The following RAD52 variants were observed in gnomAD, a reference collection of about 807,000 sequenced individuals.
RAD52 encodes DNA repair protein RAD52 homolog.
Under a neutral mutation model 55.5 loss-of-function variants are expected in RAD52, and 47 were observed. The ratio of observed to expected loss-of-function variants is 0.85; its 90% confidence interval spans 0.67 to 1.08. The LOEUF (loss-of-function observed/expected upper bound fraction) is 1.08. Ranked by LOEUF, RAD52 falls within the 50% of genes least tolerant of loss-of-function variation. The pLI, the probability that RAD52 is intolerant of heterozygous loss-of-function variation, is 0.00. For synonymous variants in RAD52, 184 were observed against 198.9 expected (o/e 0.92, Z 0.63); for missense variants, 468 against 522.8 (o/e 0.90, Z 1.02).
intron 1 of RAD52, among the ~76,000 whole-genome samples, chr12:980,161 G>C (rs1295517551): frequency 6.6e-6 from 1 of 151,990 alleles, no homozygotes; most frequent in African/African-American, 2.4e-5. Context: ...CTGCACTCCA[G>C]CCTGGGCGAC....
Position 929,834 on chromosome 12 carries a change from C to A in RAD52, c.333G>T (p.Val111=). ...GKFYVGVCAF[V]RVQLKDGSYH... ...ATCCCCTCACCTTCAGCTGGACCCTCACAAATGCACAGACTCCCACGTAGA... is the reference window on the plus strand; with the variant it reads ...ATCCCCTCACCTTCAGCTGGACCCTAACAAATGCACAGACTCCCACGTAGA... The change falls in exon 5 of 12, where the codon GTG becomes GTT. Residue 111 remains valine, a synonymous_variant. Transcript: ENST00000358495. The A allele has an allele frequency of 6.2e-7, 1 of 1,613,954 alleles. No homozygotes were observed. Among genetic ancestry groups the A allele is most frequent in the Non-Finnish European group, 8.5e-7 (1 of 1,179,844 alleles).
intron 1 of RAD52, among the ~76,000 whole-genome samples, chr12:958,514 C>T (rs12227136): frequency 0.12 from 18,881 of 152,264 alleles, 1,282 homozygotes; most frequent in Middle Eastern, 0.25. Context: ...CTGTGCCCAC[C>T]CAGCCTGCAT....
intron 7 of RAD52, among the ~76,000 whole-genome samples, chr12:918,862 C>A (rs1956551607): frequency 6.6e-6 from 1 of 152,110 alleles, no homozygotes; most frequent in Non-Finnish European, 1.5e-5. Context: ...ATTCATCAAG[C>A]TGAGCATGGA....
chr12:981,740 G>C (rs1057317561), intron 1 of RAD52, among the ~76,000 whole-genome samples: 1 of 126,428 alleles, frequency 7.9e-6, no homozygotes, highest in Non-Finnish European at 1.8e-5. Flanking sequence ...CTGGGCGACA[G>C]AATGAGTGAG....
intron 1 of RAD52, among the ~76,000 whole-genome samples, chr12:959,584 C>A (rs1352528244): frequency 2.0e-5 from 3 of 152,156 alleles, no homozygotes; most frequent in Non-Finnish European, 2.9e-5. Flanking sequence ...AGATAAACTT[C>A]GTACATTTAA....
At chr12:934,333 C>T (rs1486552237) in intron 1 of RAD52, among the ~76,000 whole-genome samples, 3 of 151,410 alleles carry the variant, frequency 2.0e-5, no homozygotes, top group Non-Finnish European at 4.4e-5. Context: ...TGTGGTAGTG[C>T]GAGCCTGTAA....
Position 916,796 on chromosome 12 carries a change from T to C in RAD52, c.568A>G (p.Lys190Glu), listed in dbSNP as rs1483505116. 4 of 1,611,220 alleles carry C rather than the reference T, an allele frequency of 2.5e-6. No homozygotes were observed. The highest frequency in any genetic ancestry group is 1.3e-5 in the African/African-American group (1 of 74,872). ...RQLPLEVDLT[K>E]AKRQDLEPSV... ...GGTTCAAGATCTTGTCTCTTCGCTT[T>C]AGTTAAATCCACTTCAAGAGGCAAC... The change falls in exon 8 of 12, where the codon AAA (lysine) becomes GAA (glutamate). Residue 190 changes from lysine (K) to glutamate (E), a missense_variant. Physicochemically the swap from Lys to Glu is moderately conservative, Grantham distance 56 (BLOSUM62 1). Coordinates refer to ENST00000358495, the MANE Select transcript of RAD52 (RefSeq NM_134424.4).
At chr12:913,759 A>G in intron 11 of RAD52, 135 bp downstream of exon 11, 7 of 822,650 alleles carry the variant, frequency 8.5e-6, no homozygotes. Flanking sequence ...ATTCTGTTCT[A>G]CTTGCAGTAC....
At chr12:954,847 TACATTAGGG>T (rs747085272) in intron 1 of RAD52, among the ~76,000 whole-genome samples, 13 of 152,228 alleles carry the variant, frequency 8.5e-5, no homozygotes, top group Non-Finnish European at 1.6e-4. Context: ...TGGTTAGGGA[TACATTAGGG>T]ACATATCTAA....
chr12:917,085 C>CTGG lies in RAD52; in HGVS notation c.544-268_544-266dup, dbSNP rs569350560. The stretch of plus-strand genomic sequence containing the variant: ...TCGCATTTGAATCTTTCCTGGGCTG[C>CTGG]TGGGTCTGTCTTTGCTGCCTCCTTG... On this transcript the variant is annotated intron_variant, in intron 7 of 11. Transcript: ENST00000358495. Among the ~76,000 whole-genome samples the CTGG allele has an allele frequency of 1.2e-4, 19 of 152,324 alleles. No homozygotes were observed. The East Asian group carries it at 3.5e-3, about 28-fold the overall frequency.
chr12:923,010 C>T (rs1459543672), intron 7 of RAD52, among the ~76,000 whole-genome samples: 2 of 151,554 alleles, frequency 1.3e-5, no homozygotes, highest in Admixed American at 1.3e-4. Flanking sequence ...AGGCTGACCA[C>T]CATGCCCAGC....
At chr12:932,008 G>C (rs1026341855) in intron 2 of RAD52, among the ~76,000 whole-genome samples, 1 of 152,156 alleles carries the variant, frequency 6.6e-6, no homozygotes, top group African/African-American at 2.4e-5. Context: ...ACTCTTTTCT[G>C]TGCACACAAT....
At chr12:931,443 G>C (rs1284372407) in intron 2 of RAD52, 122 bp from the exon 3 acceptor site, 1 of 655,100 alleles carries the variant, frequency 1.5e-6, no homozygotes, top group South Asian at 2.3e-5. Flanking sequence ...GTTTATGTGG[G>C]TTCTATGTAT....
rs187996883 is a variant in RAD52 at position 942,702 on chromosome 12, G to A, written c.-19+6900C>T. 9.3e-5 allele frequency among the ~76,000 whole-genome samples: 14 copies of A among 150,866 alleles called. No homozygotes were observed. In the South Asian group the frequency reaches 2.3e-3, roughly 25 times the overall value. ...GCAGAGGTTGCAGTGAGCGGAGATC[G>A]CCATCACCGCACTCCAGCCTGGACG... On this transcript the variant is annotated intron_variant, in intron 1 of 11. Transcript: ENST00000358495.
intron 5 of RAD52, among the ~76,000 whole-genome samples, chr12:928,123 C>A (rs964596810): frequency 6.6e-6 from 1 of 152,222 alleles, no homozygotes; most frequent in Non-Finnish European, 1.5e-5. Flanking sequence ...TAACACAATT[C>A]TTTCCATTCT....
At chr12:972,597 T>C (rs1346247861) in intron 1 of RAD52, among the ~76,000 whole-genome samples, 1 of 150,428 alleles carries the variant, frequency 6.6e-6, no homozygotes, top group Non-Finnish European at 1.5e-5. Flanking sequence ...AAACCCCGTC[T>C]CTACTAAATA....
chr12:972,478 G>A (rs1371533155), intron 1 of RAD52, among the ~76,000 whole-genome samples: 3 of 151,394 alleles, frequency 2.0e-5, no homozygotes, highest in East Asian at 3.9e-4. Flanking sequence ...TAGAAGGGTC[G>A]CTCTTAGGCC....
intron 1 of RAD52, among the ~76,000 whole-genome samples, chr12:973,519 G>A (rs146048823): frequency 6.7e-5 from 10 of 148,574 alleles, no homozygotes; most frequent in Non-Finnish European, 1.2e-4. Flanking sequence ...GCTCTGTTGC[G>A]CAGGCTGGAG....
At chr12:967,661 G>T (rs1449509971) in intron 1 of RAD52, among the ~76,000 whole-genome samples, 2 of 152,012 alleles carry the variant, frequency 1.3e-5, no homozygotes, top group Non-Finnish European at 2.9e-5. Flanking sequence ...CCGAAGTTCA[G>T]TGGCGCGACC....
Sources: gnomAD v4.1 joint callset for allele counts (sites outside exome capture counted in the v4.1 genomes callset) on GRCh38, gnomAD v4.1.1 for gene constraint, MANE v1.5 for transcripts, NCBI Gene and HGNC (gene_info 2026-07-23, HGNC 2026-07-21) for gene names.